The following INO80D variants were observed in gnomAD, a reference collection of about 807,000 sequenced individuals.
INO80D encodes the protein INO80 complex subunit D.
Under a neutral mutation model 87.6 loss-of-function variants are expected in INO80D, and 21 were observed. The ratio of observed to expected loss-of-function variants is 0.24; its 90% CI spans 0.17 to 0.35. The LOEUF is 0.35. Ranked by LOEUF, INO80D falls within the 10% of genes least tolerant of loss-of-function variation. The probability of loss-of-function intolerance (pLI) is 1.00; values close to 1 mark genes in which losing one functional copy is unlikely to be tolerated. For missense variants in INO80D, 982 were observed against 1,280.7 expected (o/e 0.77, Z 3.56); for synonymous variants, 440 against 491.0 (o/e 0.90, Z 1.37).
intron 8 of INO80D, among the ~76,000 whole-genome samples, chr2:206,015,358 T>TG (rs1418665480): frequency 6.6e-6 from 1 of 152,124 alleles, no homozygotes; most frequent in Non-Finnish European, 1.5e-5. Context: ...GAGGAAAAGA[T>TG]GGTTTCATGG....
intron 1 of INO80D, among the ~76,000 whole-genome samples, chr2:206,070,135 G>A (rs1458247757): frequency 6.6e-6 from 1 of 152,156 alleles, no homozygotes; most frequent in East Asian, 1.9e-4. Context: ...ATTAGGCCAG[G>A]TGCAGTGGCT....
rs1034814964 is a variant in INO80D at position 206,004,213 on chromosome 2, T to A, written c.*155A>T. On this transcript the variant is annotated 3_prime_UTR_variant, in exon 11 of 11. Transcript: ENST00000403263. The surrounding 1 kb of genome is among the most constrained non-coding windows in gnomAD (Gnocchi z 4.9). The stretch of plus-strand genomic sequence containing the variant: ...AGCACATGTGAACACTGTAGCGAGG[T>A]CCACTGCAGGGCCACTCATTGAACT... 1.5e-6 allele frequency: 1 copy of A among 687,230 alleles called. No homozygotes were observed. Among genetic ancestry groups the A allele is most frequent in the African/African-American group, 1.8e-5 (1 of 55,488 alleles). 42.6% of individuals were successfully genotyped at this position (687,230 alleles called of 1,614,324 possible).
chr2:206,046,545 A>C lies in INO80D; in HGVS notation c.1032T>G (p.Val344=). 1 of 1,613,762 alleles carries C rather than the reference A, an allele frequency of 6.2e-7. No homozygotes were observed. The highest frequency in any genetic ancestry group is 1.1e-5 in the South Asian group (1 of 91,082). The part of the protein sequence containing the change: ...EDSEQASPYQ[V]AWSIRETLRY... ...TGAGGGTTTCCCGGATGGACCATGCAACCTGGTAGGGCGAGGCCTGCTCTG... is the reference window on the plus strand; with the variant it reads ...TGAGGGTTTCCCGGATGGACCATGCCACCTGGTAGGGCGAGGCCTGCTCTG... The change falls in exon 5 of 11, where the codon GTT becomes GTG. Residue 344 remains valine (V), a synonymous_variant. Transcript: ENST00000403263.
intron 8 of INO80D, among the ~76,000 whole-genome samples, chr2:206,011,795 G>T (rs902323232): frequency 6.6e-6 from 1 of 152,164 alleles, no homozygotes; most frequent in African/African-American, 2.4e-5. Context: ...ACAAAAAAAT[G>T]GTCCTGCCCT....
chr2:206,056,347 G>C lies in INO80D; in HGVS notation c.815C>G (p.Ala272Gly). Residue 272 changes from alanine (A) to glycine (G), a missense_variant, in exon 4 of 11, where the codon GCT (alanine) becomes GGT (glycine). Transcript: ENST00000403263. Reference sequence around the variant, plus strand: ...AGTCCTGGGTGGGTCCACAGTGGGAGCCCTACTGGATGGCAGGAGGGGCAG... The same window carrying C: ...AGTCCTGGGTGGGTCCACAGTGGGACCCCTACTGGATGGCAGGAGGGGCAG... The part of the protein sequence containing the change: ...RPLPLLPSSR[A>G]PTVDPPRTDR... 6.2e-7 allele frequency: 1 copy of C among 1,613,950 alleles called. No individual in the cohort carries two copies. Among genetic ancestry groups the C allele is most frequent in the Non-Finnish European group, 8.5e-7 (1 of 1,179,884 alleles).
intron 5 of INO80D, among the ~76,000 whole-genome samples, chr2:206,034,776 T>G (rs970501615): frequency 4.6e-5 from 7 of 152,054 alleles, no homozygotes; most frequent in Admixed American, 3.9e-4. Context: ...ATAAAGGGCA[T>G]CCAAATCAGT....
intron 8 of INO80D, among the ~76,000 whole-genome samples, chr2:206,010,278 T>C (rs370774813): frequency 1.7e-4 from 26 of 151,646 alleles, no homozygotes; most frequent in Admixed American, 1.5e-3. Flanking sequence ...TTTTTTTTTT[T>C]CCCTGTAAGG....
intron 4 of INO80D, among the ~76,000 whole-genome samples, chr2:206,048,328 G>A (rs888950654): frequency 6.6e-6 from 1 of 151,988 alleles, no homozygotes; most frequent in African/African-American, 2.4e-5. Context: ...TGACCTCCCG[G>A]GCTCAAGTGA....
Position 206,063,041 on chromosome 2 carries a change from A to T in INO80D, c.-25T>A. Reference sequence around the variant, plus strand: ...TCACGTGACTCTATTCCTTGTGAACATCAGCTAAAAGGCCACCACAAAAAA... The same window carrying T: ...TCACGTGACTCTATTCCTTGTGAACTTCAGCTAAAAGGCCACCACAAAAAA... On this transcript the variant is annotated 5_prime_UTR_variant, in exon 3 of 11. The change abolishes an upstream ATG in the 5' untranslated region. Coordinates refer to ENST00000403263, the MANE Select transcript of INO80D (RefSeq NM_017759.5). The T allele has an allele frequency of 1.3e-6, 2 of 1,532,322 alleles. No individual in the cohort carries two copies. Among genetic ancestry groups the T allele is most frequent in the Non-Finnish European group, 1.8e-6 (2 of 1,111,950 alleles). The allele number at this position is 1,532,322 out of a possible 1,614,324, so 94.9% of individuals were successfully genotyped here.
Position 206,003,663 on chromosome 2 carries a change from G to C in INO80D, c.*705C>G, listed in dbSNP as rs1687944619. 6.6e-6 allele frequency: 1 copy of C among 152,492 alleles called. No individual in the cohort carries two copies. The highest frequency in any genetic ancestry group is 1.5e-5 in the Non-Finnish European group (1 of 68,344). The allele number at this position is 152,492 out of a possible 1,614,324, so 9.4% of individuals were successfully genotyped here. On this transcript the variant is annotated 3_prime_UTR_variant, in exon 11 of 11. Coordinates refer to ENST00000403263, the MANE Select transcript of INO80D (RefSeq NM_017759.5). Reference sequence around the variant, plus strand: ...AGGAAAAGAAGGACCAACCTTATTAGGACTGTGAGATGTAGGACAGGAGAA... The same window carrying C: ...AGGAAAAGAAGGACCAACCTTATTACGACTGTGAGATGTAGGACAGGAGAA...
At position 206,005,082 on chromosome 2, in the gene INO80D, G is replaced by A. The variant is rs373210904; in HGVS notation, c.2370C>T (p.Gly790=). Residue 790 remains glycine (G), a synonymous_variant, in exon 11 of 11, where the codon GGC becomes GGT. Coordinates refer to ENST00000403263, the MANE Select transcript of INO80D (RefSeq NM_017759.5). ...FPGQFHGLHD[G]SHASQRPHPA... is the part of the protein sequence containing the mutation. ...GATGTGGCCTCTGGGAGGCATGGCT[G>A]CCGTCATGAAGTCCATGAAACTGTC... 2.6e-4 allele frequency: 420 copies of A among 1,613,952 alleles called. No homozygotes were observed. The highest frequency in any genetic ancestry group is 3.8e-4 in the Admixed American group (23 of 60,010).
At chr2:206,056,098 C>T in intron 4 of INO80D, 100 bp downstream of exon 4, 1 of 1,145,534 alleles carries the variant, frequency 8.7e-7, no homozygotes, top group East Asian at 2.4e-5. Flanking sequence ...TGTGATTCCA[C>T]CCCCATCACA....
rs1017085461 is a variant in INO80D at position 206,000,578 on chromosome 2, A to C, written c.*3790T>G. 6.6e-6 allele frequency: 1 copy of C among 152,110 alleles called. No homozygotes were observed. Among genetic ancestry groups the C allele is most frequent in the African/African-American group, 2.4e-5 (1 of 41,416 alleles). The allele number at this position is 152,110 out of a possible 1,614,324, so 9.4% of individuals were successfully genotyped here. A position where few individuals can be genotyped will look rare whatever the true frequency, so the allele number is the denominator to read the frequency against. On this transcript the variant is annotated 3_prime_UTR_variant, in exon 11 of 11. Transcript: ENST00000403263. ...CAGGGCACCTCTGTGCATCCCAAAC[A>C]TGGTTTCCTTCCTAATCAAAGAGTT...
chr2:206,040,019 G>A (rs1401111446), intron 5 of INO80D, among the ~76,000 whole-genome samples: 2 of 151,812 alleles, frequency 1.3e-5, no homozygotes. Flanking sequence ...AGGCCCAGGC[G>A]CGGTGACTCA....
Position 206,007,438 on chromosome 2 carries a change from G to A in INO80D, c.1764C>T (p.Ser588=). 8 of 1,607,106 alleles carry A rather than the reference G, an allele frequency of 5.0e-6. No individual in the cohort carries two copies. Among genetic ancestry groups the A allele is most frequent in the Non-Finnish European group, 6.8e-6 (8 of 1,177,212 alleles). ...CAGCACTCAGCTCTGGCGTGGATGG[G>A]CTCCTGGGAAAGAGGACACTGTTGG... ...SLPVEASHIR[S]PSTPELSADE... The change falls in exon 10 of 11, where the codon AGC becomes AGT. Residue 588 remains serine (S), a synonymous_variant. Transcript: ENST00000403263.
chr2:206,042,736 A>G lies in INO80D; in HGVS notation c.1073+3768T>C, dbSNP rs1250167227. On this transcript the variant is annotated intron_variant, in intron 5 of 10. Coordinates refer to ENST00000403263, the MANE Select transcript of INO80D (RefSeq NM_017759.5). Reference sequence around the variant, plus strand: ...ACAGCAGCTCACGCCTGTAATCCCAATACTTCGGAAGGTCAACGCAGGAGG... The same window carrying G: ...ACAGCAGCTCACGCCTGTAATCCCAGTACTTCGGAAGGTCAACGCAGGAGG... Among the ~76,000 whole-genome samples the G allele has an allele frequency of 9.2e-5, 14 of 151,858 alleles. No homozygotes were observed. In the East Asian group the frequency reaches 2.5e-3, roughly 27 times the overall value.
intron 7 of INO80D, 38 bp from the exon 8 acceptor site, chr2:206,017,851 C>G: frequency 6.4e-7 from 1 of 1,561,104 alleles, no homozygotes; most frequent in Non-Finnish European, 8.7e-7. Context: ...TACACTGAAA[C>G]TCTAATTTTT....
chr2:206,032,076 T>C (rs1688783052), intron 5 of INO80D, among the ~76,000 whole-genome samples: 1 of 152,124 alleles, frequency 6.6e-6, no homozygotes, highest in African/African-American at 2.4e-5. Context: ...CTGCCTGGCA[T>C]CACAGAGATC....
chr2:206,035,005 T>A (rs551004007), intron 5 of INO80D, among the ~76,000 whole-genome samples: 37 of 151,826 alleles, frequency 2.4e-4, no homozygotes, highest in African/African-American at 8.7e-4. Context: ...AAAATAATAA[T>A]AATAAAATAC....
Sources: gnomAD v4.1 joint callset for allele counts (sites outside exome capture counted in the v4.1 genomes callset) on GRCh38, gnomAD v4.1.1 for gene constraint, Gnocchi (gnomAD v3.1) non-coding constraint, MANE v1.5 for transcripts, NCBI Gene and HGNC (gene_info 2026-07-23, HGNC 2026-07-21) for gene names.